Variants in CCDC91 observed in about 807,000 individuals in gnomAD.
CCDC91 encodes coiled-coil domain-containing protein 91.
In CCDC91, 48 loss-of-function variants were observed where a neutral mutation model predicts 63.2. That is an observed-to-expected ratio of 0.76 (90% CI 0.60 to 0.97). The LOEUF is 0.97. Ranked by LOEUF, CCDC91 falls within the 50% of genes least tolerant of loss-of-function variation. CCDC91 has a pLI of 0.00. For missense variants in CCDC91, 500 were observed against 494.6 expected, an observed-to-expected ratio of 1.01 and a Z score of -0.10; for synonymous variants, 167 against 165.8, an observed-to-expected ratio of 1.01 and a Z score of -0.06.
Position 28,549,352 on chromosome 12 carries a change from G to T in CCDC91, c.*179G>T. The T allele has an allele frequency of 1.5e-5, 7 of 456,092 alleles. No homozygotes were observed. Among genetic ancestry groups the T allele is most frequent in the South Asian group, 1.2e-4 (3 of 25,840 alleles). The allele number at this position is 456,092 out of a possible 1,614,324, so 28.3% of individuals were successfully genotyped here. A position where few individuals can be genotyped will look rare whatever the true frequency, so the allele number is the denominator to read the frequency against. On this transcript the variant is annotated 3_prime_UTR_variant, in exon 13 of 13. Coordinates refer to ENST00000536442, the MANE Select transcript of CCDC91 (RefSeq NM_018318.5). ...CAAGTGATCTAATTTATTTTCTTTTGGTTTCTTCTTTACATTTACTGTTAT... is the reference window on the plus strand; with the variant it reads ...CAAGTGATCTAATTTATTTTCTTTTTGTTTCTTCTTTACATTTACTGTTAT...
chr12:28,195,551 CTGTT>C (rs1482338344), intron 1 of CCDC91, among the ~76,000 whole-genome samples: 2 of 152,132 alleles, frequency 1.3e-5, no homozygotes, highest in African/African-American at 4.8e-5. Flanking sequence ...TTCTGTGCGT[CTGTT>C]TGGCTAAAAC....
At chr12:28,399,736 A>G (rs1342731286) in intron 8 of CCDC91, among the ~76,000 whole-genome samples, 8 of 152,248 alleles carry the variant, frequency 5.3e-5, no homozygotes, top group Admixed American at 2.0e-4. Flanking sequence ...GCCCCATGCA[A>G]GCCAGAAATC....
chr12:28,473,203 A>G (rs1950909223), intron 11 of CCDC91, among the ~76,000 whole-genome samples: 1 of 152,204 alleles, frequency 6.6e-6, no homozygotes, highest in Non-Finnish European at 1.5e-5. Context: ...ACTTTCAGTC[A>G]AAGCCCTGAG....
At chr12:28,305,040 C>G (rs1424904832) in intron 3 of CCDC91, among the ~76,000 whole-genome samples, 1 of 152,078 alleles carries the variant, frequency 6.6e-6, no homozygotes, top group African/African-American at 2.4e-5. Flanking sequence ...TTTATTTTAG[C>G]ATGAAAAACC....
chr12:28,515,957 A>C (rs765001124), intron 12 of CCDC91, among the ~76,000 whole-genome samples: 1 of 151,936 alleles, frequency 6.6e-6, no homozygotes, highest in Non-Finnish European at 1.5e-5. Flanking sequence ...TATATTACAA[A>C]GACTAATTGA....
intron 1 of CCDC91, among the ~76,000 whole-genome samples, chr12:28,209,346 A>C (rs1183235466): frequency 1.3e-5 from 2 of 152,178 alleles, no homozygotes; most frequent in Non-Finnish European, 2.9e-5. Context: ...TCCCATTTTC[A>C]ATTTATGGAA....
rs1002204177 is a variant in CCDC91 at position 28,304,686 on chromosome 12, G to A, written c.110-963G>A. 14 of 1,260,702 alleles carry A rather than the reference G, an allele frequency of 1.1e-5. No homozygotes were observed. The Admixed American group carries it at 1.5e-4, about 13-fold the overall frequency. 78.1% of individuals were successfully genotyped at this position (1,260,702 alleles called of 1,614,324 possible). ...GAGTTTATGGTAGAACTTCACTGAAGTTGCTGATGCCAATGTGGAATAAAG... is the reference window on the plus strand; with the variant it reads ...GAGTTTATGGTAGAACTTCACTGAAATTGCTGATGCCAATGTGGAATAAAG... On this transcript the variant is annotated intron_variant, in intron 3 of 12. Transcript: ENST00000536442.
rs373044019 is a variant in CCDC91 at position 28,341,958 on chromosome 12, T to C, written c.577-20480T>C. On this transcript the variant is annotated intron_variant, in intron 6 of 12. Transcript: ENST00000536442. Reference sequence around the variant, plus strand: ...TGTCCACCTCCTAAATTCCAGAATCTGTGAATATGTTGCATGTCAAGAGAT... The same window carrying C: ...TGTCCACCTCCTAAATTCCAGAATCCGTGAATATGTTGCATGTCAAGAGAT... Among the ~76,000 whole-genome samples the C allele has an allele frequency of 8.3e-4, 126 of 152,344 alleles. No individual in the cohort carries two copies. In the South Asian group the frequency reaches 0.013, roughly 16 times the overall value.
intron 11 of CCDC91, among the ~76,000 whole-genome samples, chr12:28,472,281 G>A (rs1950859340): frequency 6.6e-6 from 1 of 152,172 alleles, no homozygotes; most frequent in Non-Finnish European, 1.5e-5. Flanking sequence ...AGACAAAAAA[G>A]AACCGCACAG....
chr12:28,298,226 A>T (rs1474441672), intron 3 of CCDC91, among the ~76,000 whole-genome samples: 1 of 151,824 alleles, frequency 6.6e-6, no homozygotes, highest in Admixed American at 6.6e-5. Flanking sequence ...CTGATGCCTC[A>T]TAAATTGATA....
chr12:28,414,185 C>T (rs1260928510), intron 8 of CCDC91, among the ~76,000 whole-genome samples: 1 of 152,070 alleles, frequency 6.6e-6, no homozygotes, highest in Non-Finnish European at 1.5e-5. Context: ...AATTTTTATA[C>T]TGTTAGATAT....
chr12:28,246,773 G>C (rs949718109), intron 1 of CCDC91, among the ~76,000 whole-genome samples: 13 of 152,090 alleles, frequency 8.5e-5, no homozygotes, highest in African/African-American at 2.9e-4. Context: ...AAGGATGAGT[G>C]GGGAAATAAT....
chr12:28,236,142 CT>C (rs1374415008), intron 1 of CCDC91: 1 of 151,830 alleles, frequency 6.6e-6, no homozygotes, highest in East Asian at 1.9e-4. Flanking sequence ...AGTTTGATCT[CT>C]ATATTTTATT....
intron 6 of CCDC91, among the ~76,000 whole-genome samples, chr12:28,313,247 T>C (rs1321414742): frequency 3.3e-5 from 5 of 151,936 alleles, no homozygotes; most frequent in Non-Finnish European, 5.9e-5. Context: ...CATTTAGGAG[T>C]CCAGTAAGAT....
At chr12:28,433,174 TTC>T (rs1350963852) in intron 8 of CCDC91, among the ~76,000 whole-genome samples, 1 of 152,008 alleles carries the variant, frequency 6.6e-6, no homozygotes, top group Admixed American at 6.6e-5. Context: ...TGTCTTTTCA[TTC>T]TCCTGACACT....
Position 28,549,107 on chromosome 12 carries a change from G to T in CCDC91, c.1260G>T (p.Leu420=). 1 of 1,612,808 alleles carries T rather than the reference G, an allele frequency of 6.2e-7. No homozygotes were observed. The highest frequency in any genetic ancestry group is 1.1e-5 in the South Asian group (1 of 91,032). ...IRQRSLSSLE[L]FLSCAQKQLS... ...AAAGAAGCCTGTCCAGTTTGGAACTGTTCCTCTCCTGTGCACAGAAACAGT... is the reference window on the plus strand; with the variant it reads ...AAAGAAGCCTGTCCAGTTTGGAACTTTTCCTCTCCTGTGCACAGAAACAGT... The change falls in exon 13 of 13, where the codon CTG becomes CTT. Residue 420 remains leucine, a synonymous_variant. Coordinates refer to ENST00000536442, the MANE Select transcript of CCDC91 (RefSeq NM_018318.5).
At chr12:28,209,258 A>G (rs1275064990) in intron 1 of CCDC91, among the ~76,000 whole-genome samples, 3 of 152,212 alleles carry the variant, frequency 2.0e-5, no homozygotes, top group African/African-American at 4.8e-5. Flanking sequence ...TGAGATTCTC[A>G]TAAACCTTTT....
chr12:28,313,714 G>A (rs1401416919), intron 6 of CCDC91, among the ~76,000 whole-genome samples: 3 of 152,108 alleles, frequency 2.0e-5, no homozygotes, highest in South Asian at 4.1e-4. Flanking sequence ...TAGTACAATG[G>A]GGGTGTGTGC....
intron 8 of CCDC91, among the ~76,000 whole-genome samples, chr12:28,393,870 T>G (rs577018968): frequency 8.5e-5 from 13 of 152,334 alleles, no homozygotes; most frequent in Non-Finnish European, 1.5e-4. Flanking sequence ...TTAAAAGGAT[T>G]CAGCCAAGTT....
Sources: gnomAD v4.1 joint callset for allele counts (sites outside exome capture counted in the v4.1 genomes callset) on GRCh38, gnomAD v4.1.1 for gene constraint, MANE v1.5 for transcripts, NCBI Gene and HGNC (gene_info 2026-07-23, HGNC 2026-07-21) for gene names.